CDH18: variants seen among roughly 807,000 people sequenced by gnomAD.
CDH18 encodes the protein cadherin 18, also known as cadherin-18.
Under a neutral mutation model 67.9 loss-of-function variants are expected in CDH18, and 31 were observed. That is an observed-to-expected ratio of 0.46 (90% CI 0.34 to 0.62). The LOEUF is 0.62. CDH18 is among the 20% of genes least tolerant of loss of function. The pLI is 0.01. For synonymous variants in CDH18, 362 were observed against 347.2 expected (o/e 1.04, Z -0.48); for missense variants, 890 against 975.5 (o/e 0.91, Z 1.17).
In CDH18 at chr5:19,937,861, G is replaced by A. The variant is rs775500593; in HGVS notation, c.-257+43199C>T. Among the ~76,000 whole-genome samples, 237 of 150,758 alleles carry A rather than the reference G, an allele frequency of 1.6e-3. 2 individuals are homozygous for A. Among genetic ancestry groups the A allele is most frequent in the Non-Finnish European group, 1.3e-3 (87 of 67,348 alleles). ...ATAAAGGGCTAGACTGCCTTTATTGGTGGCTTGTAACATTGAGAAAGGAAA... is the reference window on the plus strand; with the variant it reads ...ATAAAGGGCTAGACTGCCTTTATTGATGGCTTGTAACATTGAGAAAGGAAA... On this transcript the variant is annotated intron_variant, in intron 2 of 12. Transcript: ENST00000382275.
At chr5:20,304,151 A>G (rs1484341805) in intron 1 of CDH18, 12 of 1,566,958 alleles carry the variant, frequency 7.7e-6, no homozygotes, top group South Asian at 3.3e-5. Context: ...CTTCTCGTCA[A>G]TTGGTGGATT....
intron 7 of CDH18, among the ~76,000 whole-genome samples, chr5:19,585,895 A>G (rs1744064871): frequency 6.6e-6 from 1 of 152,180 alleles, no homozygotes; most frequent in Non-Finnish European, 1.5e-5. Flanking sequence ...CCATCTGAAT[A>G]TATAACATGA....
At chr5:19,803,274 C>T (rs1280086389) in intron 3 of CDH18, among the ~76,000 whole-genome samples, 3 of 152,218 alleles carry the variant, frequency 2.0e-5, no homozygotes, top group African/African-American at 4.8e-5. Flanking sequence ...TAATGTCTCA[C>T]ACGCATATGA....
At chr5:20,283,945 T>C (rs545308589) in intron 1 of CDH18, among the ~76,000 whole-genome samples, 1 of 152,100 alleles carries the variant, frequency 6.6e-6, no homozygotes, top group South Asian at 2.1e-4. Context: ...TCATTGACAA[T>C]AGCATGGATG....
chr5:19,706,623 GC>G (rs745399764), intron 5 of CDH18, among the ~76,000 whole-genome samples: 2 of 152,166 alleles, frequency 1.3e-5, no homozygotes, highest in Non-Finnish European at 2.9e-5. Flanking sequence ...ACAGTCTTCT[GC>G]CTGTGTTAAA....
rs929547436 is a variant in CDH18, at chr5:19,945,008, T to C, written c.-257+36052A>G. On this transcript the variant is annotated intron_variant, in intron 2 of 12. Transcript: ENST00000382275. ...TCTGGCCAAATGACAAAGAACGGAG[T>C]AGCCCAATAGACACTAAGTGTGGAT... is the stretch of plus-strand genomic sequence containing the variant. Among the ~76,000 whole-genome samples the C allele has an allele frequency of 5.9e-5, 9 of 151,976 alleles. 1 individual carries two copies. Among genetic ancestry groups the C allele is most frequent in the African/African-American group, 2.2e-4 (9 of 41,458 alleles).
intron 2 of CDH18, among the ~76,000 whole-genome samples, chr5:19,908,821 G>T (rs2150132208): frequency 6.6e-6 from 1 of 152,180 alleles, no homozygotes; most frequent in South Asian, 2.1e-4. Flanking sequence ...ATCTAATATT[G>T]AAATCTGCTT....
intron 5 of CDH18, among the ~76,000 whole-genome samples, chr5:19,698,238 A>T (rs1175133852): frequency 6.6e-6 from 1 of 152,180 alleles, no homozygotes; most frequent in Non-Finnish European, 1.5e-5. Flanking sequence ...AAGATATGGA[A>T]GTTTTTTTAA....
chr5:20,411,889 T>C (rs917158454), intron 1 of CDH18, among the ~76,000 whole-genome samples: 1 of 151,732 alleles, frequency 6.6e-6, no homozygotes, highest in Non-Finnish European at 1.5e-5. Flanking sequence ...ATAGAAGACA[T>C]AAACAAATGG....
At chr5:19,569,447 T>C (rs1001432196) in intron 8 of CDH18, among the ~76,000 whole-genome samples, 6 of 152,170 alleles carry the variant, frequency 3.9e-5, no homozygotes, top group African/African-American at 1.4e-4. Context: ...CATGTCAACT[T>C]GGCTGGGCCA....
At chr5:20,006,332 G>C (rs577019527) in intron 2 of CDH18, among the ~76,000 whole-genome samples, 1 of 151,684 alleles carries the variant, frequency 6.6e-6, no homozygotes, top group South Asian at 2.1e-4. Flanking sequence ...TTTTTCACAC[G>C]TTATGAGAAT....
intron 1 of CDH18, among the ~76,000 whole-genome samples, chr5:20,555,189 A>G (rs1757830145): frequency 6.6e-6 from 1 of 152,080 alleles, no homozygotes; most frequent in Admixed American, 6.6e-5. Context: ...CACATACAAA[A>G]AGAGTTAAGT....
intron 2 of CDH18, among the ~76,000 whole-genome samples, chr5:20,060,602 C>A (rs1742384343): frequency 6.6e-6 from 1 of 151,994 alleles, no homozygotes; most frequent in Non-Finnish European, 1.5e-5. Flanking sequence ...TATGAATATG[C>A]ATGATAAAAA....
intron 5 of CDH18, among the ~76,000 whole-genome samples, chr5:19,699,273 C>T (rs1762910202): frequency 6.6e-6 from 1 of 151,998 alleles, no homozygotes; most frequent in Admixed American, 6.6e-5. Context: ...TCAATGTTCC[C>T]AAATAACCTG....
chr5:20,107,084 CT>C (rs34482408), intron 2 of CDH18, among the ~76,000 whole-genome samples: 119 of 143,432 alleles, frequency 8.3e-4, no homozygotes, highest in African/African-American at 2.3e-3. Context: ...TTATAACTTT[CT>C]TTTTTTTTTT....
At chr5:19,685,665 A>G (rs1224071655) in intron 5 of CDH18, among the ~76,000 whole-genome samples, 1 of 152,090 alleles carries the variant, frequency 6.6e-6, no homozygotes, top group East Asian at 1.9e-4. Context: ...CCAGTTTTCA[A>G]TTCCCTGACT....
chr5:20,247,684 A>T (rs1386686900), intron 2 of CDH18, among the ~76,000 whole-genome samples: 1 of 151,622 alleles, frequency 6.6e-6, no homozygotes, highest in Non-Finnish European at 1.5e-5. Flanking sequence ...GAATCACTTG[A>T]ACCCGGGAGG....
intron 1 of CDH18, among the ~76,000 whole-genome samples, chr5:20,315,581 A>C (rs910282687): frequency 2.6e-5 from 4 of 151,970 alleles, no homozygotes; most frequent in African/African-American, 9.7e-5. Context: ...TTCACCTCTT[A>C]CCAATCTCCC....
At chr5:20,097,265 A>C (rs1580234125) in intron 2 of CDH18, among the ~76,000 whole-genome samples, 1 of 152,192 alleles carries the variant, frequency 6.6e-6, no homozygotes, top group African/African-American at 2.4e-5. Flanking sequence ...AAAAATACCC[A>C]AGACTGGGTG....
Sources: gnomAD v4.1 joint callset for allele counts (sites outside exome capture counted in the v4.1 genomes callset) on GRCh38, gnomAD v4.1.1 for gene constraint, MANE v1.5 for transcripts, NCBI Gene and HGNC (gene_info 2026-07-23, HGNC 2026-07-21) for gene names.